TRAPPC9: variants seen among roughly 807,000 people sequenced by gnomAD.
TRAPPC9 encodes the protein trafficking protein particle complex subunit 9.
In TRAPPC9, 83 loss-of-function variants were observed where a neutral mutation model predicts 124.0. The ratio of observed to expected loss-of-function variants is 0.67; its 90% confidence interval spans 0.56 to 0.80. The LOEUF (loss-of-function observed/expected upper bound fraction) is 0.80. Ranked by LOEUF, TRAPPC9 falls within the 30% of genes least tolerant of loss-of-function variation. TRAPPC9 has a pLI of 0.00. For missense variants in TRAPPC9, 1,302 were observed against 1,508.3 expected (o/e 0.86, Z 2.27); for synonymous variants, 638 against 617.5 (o/e 1.03, Z -0.49).
At chr8:140,168,997 A>C (rs1380615050) in intron 17 of TRAPPC9, among the ~76,000 whole-genome samples, 1 of 151,016 alleles carries the variant, frequency 6.6e-6, no homozygotes, top group African/African-American at 2.5e-5. Context: ...AGGTTCTGAC[A>C]CAAACTGTTT....
chr8:140,005,230 A>G (rs10093149), intron 18 of TRAPPC9, among the ~76,000 whole-genome samples: 97,869 of 152,024 alleles, frequency 0.64, 32,082 homozygotes, highest in African/African-American at 0.78. Context: ...CCAAACCCTC[A>G]GCTCTAGATA....
At chr8:140,003,893 A>C (rs918104184) in intron 18 of TRAPPC9, among the ~76,000 whole-genome samples, 14 of 152,252 alleles carry the variant, frequency 9.2e-5, no homozygotes, top group Admixed American at 9.2e-4. Flanking sequence ...ATCACTCTAC[A>C]TGAGTATTTA....
At chr8:140,256,003 A>C (rs2064246598) in intron 15 of TRAPPC9, among the ~76,000 whole-genome samples, 1 of 152,226 alleles carries the variant, frequency 6.6e-6, no homozygotes. Context: ...GAATGGGTCA[A>C]CAAGAATCAC....
At chr8:139,815,470 T>C (rs1262300327) in intron 21 of TRAPPC9, among the ~76,000 whole-genome samples, 1 of 151,462 alleles carries the variant, frequency 6.6e-6, no homozygotes, top group East Asian at 1.9e-4. Flanking sequence ...TCACTGCAAC[T>C]TCTGCCTCCC....
At chr8:139,764,387 A>G (rs1301696582) in intron 21 of TRAPPC9, among the ~76,000 whole-genome samples, 1 of 152,226 alleles carries the variant, frequency 6.6e-6, no homozygotes, top group Admixed American at 6.5e-5. Context: ...GAAGCAGTCC[A>G]GAAAGAAAGA....
rs184515181 is a variant in TRAPPC9, at chr8:140,392,905, A to C, written c.1134+4715T>G. On this transcript the variant is annotated intron_variant, in intron 7 of 22. Transcript: ENST00000438773. ...CCTTTGATACAACCAGTGAGCCGTG[A>C]GGCAGACATGTTTGCTGAATGCTTT... Among the ~76,000 whole-genome samples, 83 of 152,358 alleles carry C rather than the reference A, an allele frequency of 5.4e-4. No homozygotes were observed. In the East Asian group the frequency reaches 0.015, roughly 28 times the overall value.
intron 16 of TRAPPC9, among the ~76,000 whole-genome samples, chr8:140,248,334 A>G (rs1170813653): frequency 6.6e-6 from 1 of 152,146 alleles, no homozygotes; most frequent in Non-Finnish European, 1.5e-5. Flanking sequence ...TAGAGGAATT[A>G]TTTGCACTCA....
intron 17 of TRAPPC9, among the ~76,000 whole-genome samples, chr8:140,172,921 G>T (rs2061994065): frequency 1.3e-5 from 2 of 152,142 alleles, no homozygotes. Flanking sequence ...TACACTTGTT[G>T]GCTGTCCAGT....
At chr8:139,824,268 G>A (rs1008451866) in intron 21 of TRAPPC9, among the ~76,000 whole-genome samples, 2 of 152,188 alleles carry the variant, frequency 1.3e-5, no homozygotes, top group Non-Finnish European at 2.9e-5. Context: ...TCTGCAAAAC[G>A]GATGAGGTGA....
At chr8:140,303,410 G>A (rs944168410) in intron 10 of TRAPPC9, among the ~76,000 whole-genome samples, 13 of 152,122 alleles carry the variant, frequency 8.5e-5, no homozygotes, top group African/African-American at 3.1e-4. Context: ...TAATCTACAC[G>A]CTTACTAGGG....
intron 2 of TRAPPC9, among the ~76,000 whole-genome samples, chr8:140,445,341 A>C (rs999157035): frequency 7.9e-5 from 12 of 152,216 alleles, no homozygotes; most frequent in Non-Finnish European, 1.5e-4. Flanking sequence ...TCTGGAGGTC[A>C]CCTGCTAATG....
At chr8:140,268,415 T>C (rs979882099) in intron 15 of TRAPPC9, among the ~76,000 whole-genome samples, 3 of 152,202 alleles carry the variant, frequency 2.0e-5, no homozygotes, top group Admixed American at 2.0e-4. Context: ...AAACAGATGG[T>C]TTGTTTTCAT....
At chr8:140,333,721 G>A (rs774573839) in intron 9 of TRAPPC9, among the ~76,000 whole-genome samples, 1 of 152,192 alleles carries the variant, frequency 6.6e-6, no homozygotes, top group African/African-American at 2.4e-5. Flanking sequence ...GCTCAAAATT[G>A]AATTTTCAAA....
intron 19 of TRAPPC9, among the ~76,000 whole-genome samples, chr8:139,954,339 A>G (rs1834846541): frequency 6.6e-6 from 1 of 152,170 alleles, no homozygotes; most frequent in Non-Finnish European, 1.5e-5. Context: ...TGCGTCCCCC[A>G]GTAATTCATA....
intron 4 of TRAPPC9, among the ~76,000 whole-genome samples, chr8:140,427,881 A>G (rs1009074684): frequency 6.6e-6 from 1 of 152,218 alleles, no homozygotes; most frequent in African/African-American, 2.4e-5. Context: ...TTTCCATTGA[A>G]TAACACCTTT....
intron 17 of TRAPPC9, among the ~76,000 whole-genome samples, chr8:140,195,861 C>T (rs1488638616): frequency 2.0e-5 from 3 of 149,600 alleles, no homozygotes; most frequent in African/African-American, 7.4e-5. Context: ...ACCTGTGACA[C>T]TAAAACACAC....
intron 17 of TRAPPC9, among the ~76,000 whole-genome samples, chr8:140,139,947 T>C (rs1054251786): frequency 1.3e-5 from 2 of 152,212 alleles, no homozygotes; most frequent in Non-Finnish European, 2.9e-5. Flanking sequence ...TTTAATTCAA[T>C]AAAAAGTTCA....
At chr8:139,837,371 C>G (rs978368175) in intron 21 of TRAPPC9, among the ~76,000 whole-genome samples, 4 of 152,188 alleles carry the variant, frequency 2.6e-5, no homozygotes, top group Admixed American at 2.6e-4. Flanking sequence ...ACCACAGCCC[C>G]CAACGGCACT....
At chr8:140,354,865 C>A (rs552949023) in intron 9 of TRAPPC9, among the ~76,000 whole-genome samples, 2 of 152,136 alleles carry the variant, frequency 1.3e-5, no homozygotes, top group African/African-American at 4.8e-5. Flanking sequence ...AATTATTGAT[C>A]GGAGGTTACA....
Sources: allele counts gnomAD v4.1 joint callset (sites outside exome capture counted in the v4.1 genomes callset), GRCh38; gene constraint gnomAD v4.1.1; transcripts MANE v1.5; gene names NCBI Gene and HGNC (gene_info 2026-07-23, HGNC 2026-07-21).